Variants in DOC2A observed in about 807,000 individuals in gnomAD.
DOC2A encodes the protein double C2-like domain-containing protein alpha.
Under a neutral mutation model 40.6 loss-of-function variants are expected in DOC2A, and 28 were observed. That is an observed-to-expected ratio of 0.69 (90% CI 0.51 to 0.95). The LOEUF (loss-of-function observed/expected upper bound fraction) is 0.95. Among genes scored for constraint, DOC2A ranks in the 40% least tolerant of loss-of-function variants. The pLI is 0.00. For synonymous variants in DOC2A, 241 were observed against 236.9 expected, an observed-to-expected ratio of 1.02 and a Z score of -0.16; for missense variants, 474 against 552.5, an observed-to-expected ratio of 0.86 and a Z score of 1.42.
upstream of DOC2A, among the ~76,000 whole-genome samples, chr16:30,014,583 C>T (rs1034687489): frequency 4.0e-5 from 6 of 151,114 alleles, no homozygotes; most frequent in African/African-American, 4.9e-5. Flanking sequence ...TGCAGTGAGC[C>T]GAGATTGCGC....
At chr16:30,011,062 T>C, upstream of DOC2A, 2 of 957,622 alleles carry the variant, frequency 2.1e-6, no homozygotes, top group Non-Finnish European at 2.4e-6. Context: ...GAGGCGAGGA[T>C]GCAGCCGGCG....
rs752182130 is a variant in DOC2A at position 30,009,295 on chromosome 16, G to A, written c.343-19C>T. ...TGAGGCCCTGGAGAGGAGGGCAGGG[G>A]AGAGGGCTAGAGGCTCCCGGCACCT... On this transcript the variant is annotated intron_variant, in intron 3 of 10. Coordinates refer to ENST00000350119, the MANE Select transcript of DOC2A (RefSeq NM_003586.3). This position sits in a 1 kb window ranked among gnomAD's most constrained non-coding sequence, Gnocchi z 4.1. 2.6e-6 allele frequency: 4 copies of A among 1,550,432 alleles called. No individual in the cohort carries two copies. The East Asian group carries it at 9.7e-5, about 38-fold the overall frequency.
At chr16:30,012,324 G>C (rs1020555157), upstream of DOC2A, 2 of 152,080 alleles carry the variant, frequency 1.3e-5, no homozygotes, top group African/African-American at 4.8e-5. Flanking sequence ...GCACCGCTTC[G>C]CCAGTGCCTC....
At position 30,006,813 on chromosome 16, in the gene DOC2A, T is replaced by C; in HGVS notation, c.850A>G (p.Asn284Asp). 6.2e-7 allele frequency: 1 copy of C among 1,613,778 alleles called. No homozygotes were observed. The highest frequency in any genetic ancestry group is 8.5e-7 in the Non-Finnish European group (1 of 1,179,928). ...RCAHLAAMDVNGYSDPYVKTY... is the reference protein window; with the variant it reads ...RCAHLAAMDVDGYSDPYVKTY... ...TTGACGTAGGGGTCCGAGTAACCGT[T>C]GACGTCCATGGCAGCCAGATGGGCG... The change falls in exon 8 of 11, where the codon AAC becomes GAC. Residue 284 changes from asparagine (N) to aspartate (D), a missense_variant. By Grantham distance (23) the Asn-to-Asp change is conservative. Transcript: ENST00000350119. The surrounding 1 kb of genome is among the most constrained non-coding windows in gnomAD (Gnocchi z 6.2).
At chr16:30,011,172 ACACGTGTGCTCGCGCGCGCACACT>A (rs1012576123), upstream of DOC2A, 3 of 607,504 alleles carry the variant, frequency 4.9e-6, no homozygotes, top group Admixed American at 6.3e-5. Context: ...GCGCGCACAC[ACACGTGTGCTCGCGCGCGCACACT>A]CACGCAGGGG....
At chr16:30,008,695 G>A in intron 5 of DOC2A, 1 of 363,992 alleles carries the variant, frequency 2.7e-6, no homozygotes, top group Non-Finnish European at 5.3e-6. Context: ...AGTAGAGACG[G>A]GGGTTTCACC....
rs866898989 is a variant in DOC2A at position 30,006,419 on chromosome 16, A to G, written c.1051T>C (p.Phe351Leu). 2 of 1,613,042 alleles carry G rather than the reference A, an allele frequency of 1.2e-6. No individual in the cohort carries two copies. The highest frequency in any genetic ancestry group is 2.7e-5 in the African/African-American group (2 of 74,566). The change falls in exon 10 of 11, where the codon TTC becomes CTC. Residue 351 changes from phenylalanine (F) to leucine (L), a missense_variant. By Grantham distance (22) the Phe-to-Leu change is conservative (BLOSUM62 0). Coordinates refer to ENST00000350119, the MANE Select transcript of DOC2A (RefSeq NM_003586.3). This position sits in a 1 kb window ranked among gnomAD's most constrained non-coding sequence, Gnocchi z 6.2. ...CAGCCAGCTCCTCCCTCACCAATGA[A>G]GTCATTGGATTTGCCAATGTCATAG... Reference protein sequence around the residue: ...WDYDIGKSNDFIGGVSLGPGA... With the variant: ...WDYDIGKSNDLIGGVSLGPGA...
upstream of DOC2A, among the ~76,000 whole-genome samples, chr16:30,016,035 ATATATATATATATATATATATT>A (rs2070850867): frequency 5.8e-5 from 3 of 51,676 alleles, no homozygotes; most frequent in South Asian, 6.7e-4. Flanking sequence ...ATATATATAT[ATATATATATATATATATATATT>A]TTTTTTTTTT....
At chr16:30,011,307 C>G, upstream of DOC2A, 1 of 984,230 alleles carries the variant, frequency 1.0e-6, no homozygotes, top group South Asian at 4.7e-5. Context: ...TGCACACACC[C>G]AGGCGCGCGC....
Position 30,009,436 on chromosome 16 carries a change from C to A in DOC2A, c.342+42G>T. On this transcript the variant is annotated intron_variant, in intron 3 of 10. Transcript: ENST00000350119. The surrounding 1 kb of genome is among the most constrained non-coding windows in gnomAD (Gnocchi z 4.1). ...AGGAATGGGCCCCCTCTGGGGGCTG[C>A]ACGCAAACCGGGCCCGGGCTTGGGT... The A allele has an allele frequency of 6.5e-7, 1 of 1,543,364 alleles. No homozygotes were observed. The highest frequency in any genetic ancestry group is 8.8e-7 in the Non-Finnish European group (1 of 1,140,324).
rs201869632 is a variant in DOC2A at position 30,006,664 on chromosome 16, C to T, written c.892G>A (p.Asp298Asn). Residue 298 changes from aspartate to asparagine, a missense_variant, in exon 9 of 11, where the codon GAT (aspartate) becomes AAT (asparagine). Physicochemically the swap from Asp to Asn is conservative, Grantham distance 23. Transcript: ENST00000350119. The surrounding 1 kb of genome is among the most constrained non-coding windows in gnomAD (Gnocchi z 6.2). ...TTATGCTTGGATTTCTTGTCCACAT[C>T]GGGCCTCAGGTACCTGGGGGTGGGG... The part of the protein sequence containing the change: ...DPYVKTYLRP[D>N]VDKKSKHKTC... 17 of 1,613,694 alleles carry T rather than the reference C, an allele frequency of 1.1e-5. No individual in the cohort carries two copies. The highest frequency in any genetic ancestry group is 3.3e-5 in the Admixed American group (2 of 59,986).
chr16:30,018,889 G>C (rs916703962), intron 1 of DOC2A: 2 of 152,290 alleles, frequency 1.3e-5, no homozygotes, highest in Admixed American at 6.6e-5. Flanking sequence ...TCTGAGTCAG[G>C]GACAGGTGCA....
upstream of DOC2A, chr16:30,023,150 A>C: frequency 4.1e-6 from 2 of 490,588 alleles, no homozygotes; most frequent in Non-Finnish European, 3.7e-6. Context: ...TGCCACCATT[A>C]TGGTTTTATC....
chr16:30,005,960 G>T lies in DOC2A; in HGVS notation c.*226C>A. ...ACTGCCCGGGTGTGCAGATGATGGG[G>T]GGTTTGCATATTTGCAGGGACTAGC... On this transcript the variant is annotated 3_prime_UTR_variant, in exon 11 of 11. Transcript: ENST00000350119. 1 of 606,106 alleles carries T rather than the reference G, an allele frequency of 1.6e-6. No homozygotes were observed. Among genetic ancestry groups the T allele is most frequent in the Non-Finnish European group, 2.9e-6 (1 of 347,124 alleles). The allele number at this position is 606,106 out of a possible 1,614,324, so 37.5% of individuals were successfully genotyped here. A position where few individuals can be genotyped will look rare whatever the true frequency, so the allele number is the denominator to read the frequency against.
upstream of DOC2A, chr16:30,012,096 TTA>T (rs2150959714): frequency 6.6e-6 from 1 of 152,670 alleles, no homozygotes; most frequent in South Asian, 2.1e-4. Flanking sequence ...ACGAAGGGGC[TTA>T]TCACCCTCGC....
At chr16:30,011,862 C>G (rs1355010819), upstream of DOC2A, 2 of 152,488 alleles carry the variant, frequency 1.3e-5, no homozygotes, top group Non-Finnish European at 2.9e-5. Context: ...CACCCTCCCC[C>G]CTGCCATCCC....
At chr16:30,007,119 G>A in intron 6 of DOC2A, 29 bp from the exon 7 acceptor site, 2 of 1,613,714 alleles carry the variant, frequency 1.2e-6, no homozygotes, top group African/African-American at 1.3e-5. Flanking sequence ...GGTTCTGGAA[G>A]CCTGGCCTCC....
Position 30,007,162 on chromosome 16 carries a change from C to G in DOC2A, c.654+11G>C, listed in dbSNP as rs557405576. 1.2e-6 allele frequency: 2 copies of G among 1,613,972 alleles called. No homozygotes were observed. Among genetic ancestry groups the G allele is most frequent in the East Asian group, 2.2e-5 (1 of 44,878 alleles). ...CCCCTCCCCTGGCGCCCCTGCAGCC[C>G]CCACACAGACCGGGACCTGGCGCTC... On this transcript the variant is annotated intron_variant, in intron 6 of 10. Transcript: ENST00000350119.
intron 1 of DOC2A, chr16:30,018,572 G>A (rs1255192363): frequency 6.6e-6 from 1 of 152,154 alleles, no homozygotes; most frequent in Non-Finnish European, 1.5e-5. Context: ...ACCATCTAGA[G>A]GAATGATGGG....
Sources: gnomAD v4.1 joint callset for allele counts (sites outside exome capture counted in the v4.1 genomes callset) on GRCh38, gnomAD v4.1.1 for gene constraint, Gnocchi (gnomAD v3.1) non-coding constraint, MANE v1.5 for transcripts, NCBI Gene and HGNC (gene_info 2026-07-23, HGNC 2026-07-21) for gene names.